ZNF595: variants seen among roughly 807,000 people sequenced by gnomAD.
ZNF595 encodes the protein zinc finger protein 595.
ZNF595 carries 9 observed loss-of-function variants against 19.4 expected under a neutral mutation model. The ratio of observed to expected loss-of-function variants is 0.46; its 90% CI spans 0.28 to 0.81. The LOEUF is 0.81. ZNF595 is among the 30% of genes least tolerant of loss of function. The pLI is 0.11. For missense variants in ZNF595, 729 were observed against 736.0 expected (o/e 0.99, Z 0.11); for synonymous variants, 255 against 255.9 (o/e 1.00, Z 0.03).
At chr4:74,120 C>A (rs1051165744) in intron 3 of ZNF595, among the ~76,000 whole-genome samples, 11 of 151,890 alleles carry the variant, frequency 7.2e-5, no homozygotes, top group Non-Finnish European at 1.3e-4. Context: ...CCAGCCTGGG[C>A]AATATGGTGA....
rs369572114 is a variant in ZNF595 at position 87,249 on chromosome 4, A to G, written c.1745A>G (p.His582Arg). 101 of 1,594,676 alleles carry G rather than the reference A, an allele frequency of 6.3e-5. No individual in the cohort carries two copies. Among genetic ancestry groups the G allele is most frequent in the Non-Finnish European group, 7.9e-5 (92 of 1,167,534 alleles). ...AACTTATCCTCAACCCTTACTAAACATAAGAGAATTCATACTGGAGAGAAA... is the reference window on the plus strand; with the variant it reads ...AACTTATCCTCAACCCTTACTAAACGTAAGAGAATTCATACTGGAGAGAAA... The part of the protein sequence containing the change: ...AYNLSSTLTK[H>R]KRIHTGEKPF... The change falls in exon 4 of 4, where the codon CAT becomes CGT. Residue 582 changes from histidine to arginine, a missense_variant. Transcript: ENST00000610261.
At chr4:71,999 G>C (rs781812039) in intron 3 of ZNF595, among the ~76,000 whole-genome samples, 2 of 152,140 alleles carry the variant, frequency 1.3e-5, no homozygotes, top group Non-Finnish European at 2.9e-5. Flanking sequence ...TGAGCAGGAT[G>C]GGGGTGGGAG....
chr4:74,343 G>A (rs1713557211), intron 3 of ZNF595, among the ~76,000 whole-genome samples: 1 of 152,146 alleles, frequency 6.6e-6, no homozygotes, highest in African/African-American at 2.4e-5. Flanking sequence ...TGTCTTTTAG[G>A]TGTAGTTCTT....
intron 3 of ZNF595, among the ~76,000 whole-genome samples, chr4:75,438 A>G (rs1389840694): frequency 4.6e-5 from 7 of 152,160 alleles, no homozygotes; most frequent in Admixed American, 2.6e-4. Flanking sequence ...TGACTAACCC[A>G]CTGTTGAAAT....
chr4:78,545 T>C (rs1581382088), intron 3 of ZNF595, among the ~76,000 whole-genome samples: 1 of 152,216 alleles, frequency 6.6e-6, no homozygotes, highest in East Asian at 1.9e-4. Flanking sequence ...AGTGTTTTCT[T>C]GTGTACGTGA....
chr4:85,761 C>G lies in ZNF595; in HGVS notation c.257C>G (p.Ser86Ter), dbSNP rs1266225765. 1 of 1,596,676 alleles carries G rather than the reference C, an allele frequency of 6.3e-7. No homozygotes were observed. Among genetic ancestry groups the G allele is most frequent in the Non-Finnish European group, 8.5e-7 (1 of 1,170,982 alleles). ...TGTTCTCCTTTCAGCCAAGACCTTT[C>G]ACCAGTGCAGGGGATAGAAGATTCA... ...AICSPFSQDL[S>*]PVQGIEDSFH... Residue 86 changes from serine (S) to a stop codon, truncating the protein, a stop_gained, in exon 4 of 4, where the codon TCA (serine) becomes TGA (stop). Transcript: ENST00000610261. LOFTEE classifies it low-confidence loss of function (END_TRUNC).
chr4:63,115 T>C (rs1581326171), intron 3 of ZNF595, among the ~76,000 whole-genome samples: 3 of 131,146 alleles, frequency 2.3e-5, no homozygotes, highest in African/African-American at 6.3e-5. Context: ...CAAAGATTAG[T>C]TGACCTTGTA....
intron 3 of ZNF595, among the ~76,000 whole-genome samples, chr4:73,862 T>C (rs1713532608): frequency 6.6e-6 from 1 of 152,260 alleles, no homozygotes; most frequent in African/African-American, 2.4e-5. Context: ...GGCTTGTGAC[T>C]GGCATGTGGA....
chr4:72,667 T>C (rs1294626453), intron 3 of ZNF595, among the ~76,000 whole-genome samples: 1 of 151,804 alleles, frequency 6.6e-6, no homozygotes, highest in Non-Finnish European at 1.5e-5. Context: ...CTGTCTGAAA[T>C]GGATATTTTG....
chr4:84,787 T>G (rs1309736461), intron 3 of ZNF595, among the ~76,000 whole-genome samples: 1 of 152,200 alleles, frequency 6.6e-6, no homozygotes, highest in Non-Finnish European at 1.5e-5. Flanking sequence ...TTTTTTATAT[T>G]TTAACGTTTT....
Position 87,695 on chromosome 4 carries a change from C to A in ZNF595, c.*244C>A. 3.2e-6 allele frequency: 1 copy of A among 311,870 alleles called. No individual in the cohort carries two copies. Among genetic ancestry groups the A allele is most frequent in the Non-Finnish European group, 5.8e-6 (1 of 172,772 alleles). The allele number at this position is 311,870 out of a possible 1,614,324, so 19.3% of individuals were successfully genotyped here. ...AAGCATTTGTTCTTTGTATTACACACAGTCCAGTTATACACTTTAATTTTT... is the reference window on the plus strand; with the variant it reads ...AAGCATTTGTTCTTTGTATTACACAAAGTCCAGTTATACACTTTAATTTTT... On this transcript the variant is annotated 3_prime_UTR_variant, in exon 4 of 4. Coordinates refer to ENST00000610261, the MANE Select transcript of ZNF595 (RefSeq NM_182524.4).
At chr4:73,484 G>T (rs905888002) in intron 3 of ZNF595, among the ~76,000 whole-genome samples, 2 of 152,042 alleles carry the variant, frequency 1.3e-5, no homozygotes, top group South Asian at 2.1e-4. Flanking sequence ...TGTTTATGAG[G>T]GAAAAATGAG....
chr4:88,145 A>G lies in ZNF595; in HGVS notation c.*694A>G, dbSNP rs1474422234. Reference sequence around the variant, plus strand: ...CATGAATGCTTTTAAAAAATGTTCCATATTTATCTTTGAACATGTAGCATC... The same window carrying G: ...CATGAATGCTTTTAAAAAATGTTCCGTATTTATCTTTGAACATGTAGCATC... On this transcript the variant is annotated 3_prime_UTR_variant, in exon 4 of 4. Coordinates refer to ENST00000610261, the MANE Select transcript of ZNF595 (RefSeq NM_182524.4). The G allele has an allele frequency of 6.6e-6, 1 of 152,192 alleles. No individual in the cohort carries two copies. The highest frequency in any genetic ancestry group is 1.5e-5 in the Non-Finnish European group (1 of 68,034). The allele number at this position is 152,192 out of a possible 1,614,324, so 9.4% of individuals were successfully genotyped here. A position where few individuals can be genotyped will look rare whatever the true frequency, so the allele number is the denominator to read the frequency against.
At position 86,088 on chromosome 4, in the gene ZNF595, C is replaced by G. The variant is rs1553801188; in HGVS notation, c.584C>G (p.Ala195Gly). The G allele has an allele frequency of 6.2e-7, 1 of 1,613,422 alleles. No homozygotes were observed. The highest frequency in any genetic ancestry group is 1.1e-5 in the South Asian group (1 of 91,016). ...CTAACTCAACATACAGGAATTCATG[C>G]TGGAGAGAAACCCTACAAATGTGAA... ...SHLTQHTGIHAGEKPYKCEKC... is the reference protein window; with the variant it reads ...SHLTQHTGIHGGEKPYKCEKC... The change falls in exon 4 of 4, where the codon GCT becomes GGT. Residue 195 changes from alanine (A) to glycine (G), a missense_variant. Ala to Gly is a moderately conservative substitution (Grantham distance 60). Transcript: ENST00000610261.
chr4:82,378 T>TG (rs1713950202), intron 3 of ZNF595, among the ~76,000 whole-genome samples: 1 of 103,524 alleles, frequency 9.7e-6, no homozygotes, highest in Non-Finnish European at 1.9e-5. Context: ...TGTGGTTTTT[T>TG]TTTTTTTTTT....
intron 3 of ZNF595, among the ~76,000 whole-genome samples, chr4:73,348 A>G (rs1227730703): frequency 2.6e-5 from 4 of 152,146 alleles, no homozygotes; most frequent in Non-Finnish European, 4.4e-5. Flanking sequence ...GAGGGACATG[A>G]AGAGGGGTTG....
In ZNF595 at chr4:86,131, T is replaced by G; in HGVS notation, c.627T>G (p.Phe209Leu). ...AATGTGAAAAATGTGGCAAAGCCTT[T>G]AATAGGTCCACATCACTTAGTAAAC... ...PYKCEKCGKA[F>L]NRSTSLSKHK... The change falls in exon 4 of 4, where the codon TTT becomes TTG. Residue 209 changes from phenylalanine (F) to leucine (L), a missense_variant. Phe to Leu is a conservative substitution (Grantham distance 22). Around this residue, in one of 2 missense-constraint regions of ZNF595, gnomAD observed 729 missense variants for 675.3 expected, o/e 1.08. Coordinates refer to ENST00000610261, the MANE Select transcript of ZNF595 (RefSeq NM_182524.4). 1.2e-6 allele frequency: 2 copies of G among 1,613,678 alleles called. No homozygotes were observed. The highest frequency in any genetic ancestry group is 1.7e-6 in the Non-Finnish European group (2 of 1,179,768).
intron 3 of ZNF595, among the ~76,000 whole-genome samples, chr4:66,739 T>A (rs1713130484): frequency 6.6e-6 from 1 of 152,254 alleles, no homozygotes; most frequent in Admixed American, 6.5e-5. Context: ...TTGTTGAAGA[T>A]CATTTGAACA....
chr4:54,910 C>CT (rs1261659669), intron 1 of ZNF595, among the ~76,000 whole-genome samples: 1 of 152,232 alleles, frequency 6.6e-6, no homozygotes, highest in African/African-American at 2.4e-5. Flanking sequence ...GAGATGGCGT[C>CT]TTGCTCTGTT....
Sources: allele counts gnomAD v4.1 joint callset (sites outside exome capture counted in the v4.1 genomes callset), GRCh38; gene constraint gnomAD v4.1.1; regional missense constraint gnomAD v4.1.1; transcripts MANE v1.5; gene names NCBI Gene and HGNC (gene_info 2026-07-23, HGNC 2026-07-21).